Variants in DDX10 observed in about 807,000 individuals in gnomAD.
DDX10 encodes the protein DEAD-box helicase 10.
DDX10 carries 74 observed loss-of-function variants against 104.3 expected under a neutral mutation model. The ratio of observed to expected loss-of-function variants is 0.71; its 90% CI spans 0.59 to 0.86. DDX10 has a LOEUF of 0.86. DDX10 is among the 40% of genes least tolerant of loss of function. DDX10 has a pLI of 0.00. For missense variants in DDX10, 952 were observed against 1,040.0 expected (o/e 0.92, Z 1.16); for synonymous variants, 351 against 353.4 (o/e 0.99, Z 0.08).
rs771865364 is a variant in DDX10 at position 108,852,222 on chromosome 11, A to G, written c.2304+13A>G. On this transcript the variant is annotated intron_variant, in intron 16 of 17. Coordinates refer to ENST00000322536, the MANE Select transcript of DDX10 (RefSeq NM_004398.4). The stretch of plus-strand genomic sequence containing the variant: ...GAGACAAGCAAAGGTAAGGGTTTAT[A>G]TACATTTATTTTTCCAAGCTCTATT... 4 of 1,604,068 alleles carry G rather than the reference A, an allele frequency of 2.5e-6. No individual in the cohort carries two copies. Among genetic ancestry groups the G allele is most frequent in the South Asian group, 2.2e-5 (2 of 89,238 alleles).
At chr11:108,686,501 C>T (rs1835943675) in intron 6 of DDX10, among the ~76,000 whole-genome samples, 2 of 152,232 alleles carry the variant, frequency 1.3e-5, no homozygotes, top group East Asian at 1.9e-4. Context: ...GTAGCCTTTT[C>T]GTATTGGTTG....
intron 13 of DDX10, among the ~76,000 whole-genome samples, chr11:108,782,321 A>G (rs776000452): frequency 2.6e-5 from 4 of 152,156 alleles, no homozygotes; most frequent in Admixed American, 6.5e-5. Context: ...TTCTTCTATC[A>G]ATTCATTTAG....
intron 17 of DDX10, among the ~76,000 whole-genome samples, chr11:108,939,981 G>A (rs536498697): frequency 1.3e-5 from 2 of 152,232 alleles, no homozygotes; most frequent in East Asian, 3.9e-4. Context: ...CTCAAATTGT[G>A]GATGATACAG....
intron 2 of DDX10, among the ~76,000 whole-genome samples, chr11:108,674,503 A>G (rs1333698383): frequency 1.3e-5 from 2 of 151,860 alleles, no homozygotes; most frequent in African/African-American, 4.8e-5. Context: ...AGAGAGATAT[A>G]TAATAGATCT....
chr11:108,900,388 AATCCAAAGATAT>A (rs1398952065), intron 16 of DDX10, among the ~76,000 whole-genome samples: 14 of 152,184 alleles, frequency 9.2e-5, no homozygotes, highest in Admixed American at 7.9e-4. Context: ...ACTACTGAGA[AATCCAAAGATAT>A]ATCAGCTCAG....
In DDX10 at chr11:108,887,915, A is replaced by G. The variant is rs915155852; in HGVS notation, c.2305-29958A>G. On this transcript the variant is annotated intron_variant, in intron 16 of 17. Transcript: ENST00000322536. The stretch of plus-strand genomic sequence containing the variant: ...CTGGGTGACAGAGCAAGACTCTCTG[A>G]AAAAAAGAAAAAAAAAGAAAAAAGA... Among the ~76,000 whole-genome samples the G allele has an allele frequency of 2.1e-5, 3 of 144,566 alleles. No homozygotes were observed. The East Asian group carries it at 6.2e-4, about 30-fold the overall frequency. The allele number at this position is 144,566 out of a possible 152,430, so 94.8% of individuals were successfully genotyped here. A position where few individuals can be genotyped will look rare whatever the true frequency, so the allele number is the denominator to read the frequency against.
intron 9 of DDX10, among the ~76,000 whole-genome samples, chr11:108,699,072 A>C (rs2094263878): frequency 6.6e-6 from 1 of 152,068 alleles, no homozygotes; most frequent in South Asian, 2.1e-4. Context: ...ATATTTTTAC[A>C]TTGCTTTCAC....
intron 16 of DDX10, among the ~76,000 whole-genome samples, chr11:108,914,653 A>G (rs1042646811): frequency 6.6e-6 from 1 of 152,150 alleles, no homozygotes. Context: ...AATATTAGAC[A>G]TGGAATTAAA....
intron 13 of DDX10, among the ~76,000 whole-genome samples, chr11:108,825,448 A>G (rs1311930225): frequency 1.3e-5 from 2 of 152,242 alleles, no homozygotes; most frequent in Non-Finnish European, 2.9e-5. Flanking sequence ...GGAGGAATGT[A>G]GCAATCAAAA....
At chr11:108,715,024 T>C (rs1267959087) in intron 10 of DDX10, among the ~76,000 whole-genome samples, 3 of 152,060 alleles carry the variant, frequency 2.0e-5, no homozygotes, top group Non-Finnish European at 2.9e-5. Context: ...AGAGAAACAA[T>C]GAGGTCTCTT....
At chr11:108,713,064 C>T (rs1055611370) in intron 10 of DDX10, among the ~76,000 whole-genome samples, 3 of 151,998 alleles carry the variant, frequency 2.0e-5, no homozygotes, top group Admixed American at 6.6e-5. Context: ...AGATGAGGTG[C>T]CCCCCGTCCA....
intron 13 of DDX10, among the ~76,000 whole-genome samples, chr11:108,790,084 C>G (rs992663736): frequency 6.6e-6 from 1 of 152,100 alleles, no homozygotes; most frequent in Non-Finnish European, 1.5e-5. Context: ...ATAAATCTAA[C>G]CCCCCTAAAG....
intron 13 of DDX10, among the ~76,000 whole-genome samples, chr11:108,787,174 A>C (rs1420251590): frequency 6.6e-6 from 1 of 151,994 alleles, no homozygotes; most frequent in Non-Finnish European, 1.5e-5. Context: ...TAGACCTCCA[A>C]TCTCTTCTGG....
At chr11:108,679,045 G>C (rs2094230606) in intron 5 of DDX10, among the ~76,000 whole-genome samples, 1 of 151,752 alleles carries the variant, frequency 6.6e-6, no homozygotes, top group Non-Finnish European at 1.5e-5. Flanking sequence ...TTTTAGTAGA[G>C]GCGGGGTTTC....
chr11:108,868,949 C>T (rs1367643886), intron 16 of DDX10, among the ~76,000 whole-genome samples: 2 of 141,218 alleles, frequency 1.4e-5, no homozygotes, highest in Admixed American at 7.6e-5. Flanking sequence ...ATCCCCTAGC[C>T]ACAATTAAGA....
At chr11:108,707,493 A>C (rs1420816235) in intron 10 of DDX10, among the ~76,000 whole-genome samples, 1 of 152,178 alleles carries the variant, frequency 6.6e-6, no homozygotes, top group Non-Finnish European at 1.5e-5. Flanking sequence ...TCTGGACGCA[A>C]CAGTTTTTAT....
chr11:108,775,932 T>A (rs1261976611), intron 13 of DDX10, among the ~76,000 whole-genome samples: 1 of 152,214 alleles, frequency 6.6e-6, no homozygotes. Flanking sequence ...GTGGTTTTTT[T>A]AGTTCAACAC....
intron 13 of DDX10, among the ~76,000 whole-genome samples, chr11:108,759,717 C>G (rs2094348442): frequency 6.6e-6 from 1 of 151,794 alleles, no homozygotes; most frequent in African/African-American, 2.4e-5. Context: ...CCCCGCATCA[C>G]TTTTTTTTCC....
At chr11:108,895,682 A>T (rs1863431348) in intron 16 of DDX10, among the ~76,000 whole-genome samples, 1 of 152,064 alleles carries the variant, frequency 6.6e-6, no homozygotes, top group South Asian at 2.1e-4. Flanking sequence ...ATATTTGAGG[A>T]ATTTTAACCC....
Sources: gnomAD v4.1 joint callset for allele counts (sites outside exome capture counted in the v4.1 genomes callset) on GRCh38, gnomAD v4.1.1 for gene constraint, MANE v1.5 for transcripts, NCBI Gene and HGNC (gene_info 2026-07-23, HGNC 2026-07-21) for gene names.